Variants in RIMKLB observed in about 807,000 individuals in gnomAD.
RIMKLB encodes ribosomal modification protein rimK like family member B.
A neutral mutation model predicts 32.0 loss-of-function variants in RIMKLB; 7 were observed. The ratio of observed to expected loss-of-function variants is 0.22; its 90% CI spans 0.12 to 0.41. RIMKLB has a LOEUF of 0.41. RIMKLB is among the 10% of genes least tolerant of loss of function. The pLI, the probability that RIMKLB is intolerant of heterozygous loss-of-function variation, is 1.00. For synonymous variants in RIMKLB, 172 were observed against 185.1 expected, an observed-to-expected ratio of 0.93 and a Z score of 0.57; for missense variants, 289 against 498.7, an observed-to-expected ratio of 0.58 and a Z score of 4.00.
intron 2 of RIMKLB, among the ~76,000 whole-genome samples, chr12:8,748,870 C>A (rs1419925388): frequency 6.6e-6 from 1 of 151,900 alleles, no homozygotes; most frequent in Non-Finnish European, 1.5e-5. Context: ...ACCCAGGAAG[C>A]AGAGGTTGCA....
chr12:8,707,289 A>C (rs1421419826), intron 1 of RIMKLB, among the ~76,000 whole-genome samples: 1 of 152,152 alleles, frequency 6.6e-6, no homozygotes, highest in African/African-American at 2.4e-5. Context: ...GACTGGCTTT[A>C]AGTTGGAGTT....
chr12:8,707,730 A>G (rs907838739), intron 1 of RIMKLB, among the ~76,000 whole-genome samples: 4 of 152,304 alleles, frequency 2.6e-5, no homozygotes, highest in African/African-American at 9.6e-5. Flanking sequence ...TTATTAGCAT[A>G]CAGAAAGACA....
intron 2 of RIMKLB, among the ~76,000 whole-genome samples, chr12:8,722,513 C>T (rs1000198725): frequency 1.3e-5 from 2 of 152,122 alleles, no homozygotes; most frequent in African/African-American, 4.8e-5. Flanking sequence ...TTTTAAGAAC[C>T]CTAGGATTTT....
At chr12:8,712,938 G>A (rs768506458) in intron 1 of RIMKLB, among the ~76,000 whole-genome samples, 12 of 152,112 alleles carry the variant, frequency 7.9e-5, no homozygotes, top group East Asian at 3.9e-4. Flanking sequence ...AAAAAAAATC[G>A]TTTTGTTGCT....
At chr12:8,740,686 G>A (rs1257838156) in intron 2 of RIMKLB, among the ~76,000 whole-genome samples, 3 of 152,224 alleles carry the variant, frequency 2.0e-5, no homozygotes, top group Non-Finnish European at 4.4e-5. Flanking sequence ...AAGAGCATAT[G>A]TCTACTTTTG....
chr12:8,725,639 G>A (rs1209911531), intron 2 of RIMKLB, among the ~76,000 whole-genome samples: 2 of 152,242 alleles, frequency 1.3e-5, no homozygotes, highest in Non-Finnish European at 1.5e-5. Flanking sequence ...TAGGAGCCAA[G>A]GGGAGCCCTG....
intron 1 of RIMKLB, 25 bp downstream of exon 1, chr12:8,698,322 C>T (rs1233707673): frequency 2.9e-5 from 9 of 306,008 alleles, no homozygotes; most frequent in South Asian, 1.3e-4. Flanking sequence ...CGCTGTTGCC[C>T]TCGGGTGTAG....
At chr12:8,753,807 G>T in intron 4 of RIMKLB, 83 bp from the exon 5 acceptor site, 1 of 1,081,640 alleles carries the variant, frequency 9.2e-7, no homozygotes, top group Non-Finnish European at 1.4e-6. Flanking sequence ...ATAGCAGATT[G>T]TGATACAAGA....
intron 4 of RIMKLB, among the ~76,000 whole-genome samples, chr12:8,752,335 CT>C (rs1411581091): frequency 1.3e-5 from 2 of 152,184 alleles, no homozygotes; most frequent in African/African-American, 4.8e-5. Context: ...GGCGGATCGC[CT>C]GAGGTCAGGA....
At chr12:8,771,927 C>T (rs145745869) in intron 5 of RIMKLB, among the ~76,000 whole-genome samples, 3,376 of 152,146 alleles carry the variant, frequency 0.022, 112 homozygotes, top group African/African-American at 0.074. Context: ...CTCGTTCTGT[C>T]GCCCAGGCTG....
upstream of RIMKLB, among the ~76,000 whole-genome samples, chr12:8,677,622 A>T (rs949204951): frequency 6.6e-6 from 1 of 152,108 alleles, no homozygotes; most frequent in Admixed American, 6.6e-5. Flanking sequence ...TGGCTTAAAA[A>T]CTATAAAGAC....
the RIMKLB span, among the ~76,000 whole-genome samples, chr12:8,673,175 C>G: frequency 6.6e-6 from 1 of 152,066 alleles, no homozygotes; most frequent in Non-Finnish European, 1.5e-5. Context: ...AGCCACCATG[C>G]CTGGCCTCTG....
At chr12:8,744,848 C>CT (rs1014877497) in intron 2 of RIMKLB, among the ~76,000 whole-genome samples, 2 of 151,390 alleles carry the variant, frequency 1.3e-5, no homozygotes, top group Non-Finnish European at 2.9e-5. Context: ...AAAATTCTTT[C>CT]TTTTTTTATT....
chr12:8,678,285 G>A (rs1942356179), upstream of RIMKLB, among the ~76,000 whole-genome samples: 1 of 151,714 alleles, frequency 6.6e-6, no homozygotes, highest in African/African-American at 2.4e-5. Context: ...CAAAGTGCTA[G>A]GATTACAAGT....
At chr12:8,727,767 C>T (rs1175611996) in intron 2 of RIMKLB, among the ~76,000 whole-genome samples, 7 of 151,968 alleles carry the variant, frequency 4.6e-5, no homozygotes, top group East Asian at 3.9e-4. Flanking sequence ...GGCATAGTGG[C>T]GGGCACCTGT....
upstream of RIMKLB, among the ~76,000 whole-genome samples, chr12:8,692,521 G>GAA (rs112734123): frequency 6.6e-6 from 1 of 151,202 alleles, no homozygotes; most frequent in Non-Finnish European, 1.5e-5. Flanking sequence ...TGTGGTAGAG[G>GAA]AAAAAAAAAT....
At chr12:8,690,604 G>C (rs1327415191) in intron 1 of RIMKLB, among the ~76,000 whole-genome samples, 1 of 152,190 alleles carries the variant, frequency 6.6e-6, no homozygotes, top group Non-Finnish European at 1.5e-5. Context: ...TAACCTCACT[G>C]TGTCTCCGTT....
At chr12:8,698,654 A>G (rs1591620444) in intron 1 of RIMKLB, among the ~76,000 whole-genome samples, 1 of 151,614 alleles carries the variant, frequency 6.6e-6, no homozygotes, top group Non-Finnish European at 1.5e-5. Context: ...CGCCGGCTGG[A>G]GTCGGACCCG....
chr12:8,748,275 CA>C (rs1948284069), intron 2 of RIMKLB, among the ~76,000 whole-genome samples: 1 of 152,094 alleles, frequency 6.6e-6, no homozygotes, highest in South Asian at 2.1e-4. Flanking sequence ...ACCCATGGTA[CA>C]GTACAATAAG....
Sources: allele counts gnomAD v4.1 joint callset (sites outside exome capture counted in the v4.1 genomes callset), GRCh38; gene constraint gnomAD v4.1.1; transcripts MANE v1.5; gene names NCBI Gene and HGNC (gene_info 2026-07-23, HGNC 2026-07-21).